Variants in PRKG1 observed in about 807,000 individuals in gnomAD.
The protein encoded by PRKG1 is protein kinase cGMP-dependent 1, also known as cGMP-dependent protein kinase 1.
PRKG1 carries 35 observed loss-of-function variants against 88.1 expected under a neutral mutation model. The observed-to-expected ratio is 0.40, with a 90% confidence interval of 0.30 to 0.53. The LOEUF is 0.53. Among genes scored for constraint, PRKG1 ranks in the 20% least tolerant of loss-of-function variants. The pLI is 0.59. For synonymous variants in PRKG1, 303 were observed against 292.5 expected, an observed-to-expected ratio of 1.04 and a Z score of -0.37; for missense variants, 540 against 839.8, an observed-to-expected ratio of 0.64 and a Z score of 4.41.
intron 3 of PRKG1, among the ~76,000 whole-genome samples, chr10:51,762,531 TA>T (rs1838046145): frequency 6.6e-6 from 1 of 152,218 alleles, no homozygotes; most frequent in Non-Finnish European, 1.5e-5. Flanking sequence ...ATATGATGGA[TA>T]AAATGCAAAA....
At chr10:52,259,585 A>C (rs980559275) in intron 10 of PRKG1, among the ~76,000 whole-genome samples, 1 of 152,074 alleles carries the variant, frequency 6.6e-6, no homozygotes, top group African/African-American at 2.4e-5. Flanking sequence ...GACATATACA[A>C]CATATTAGCT....
chr10:51,668,381 C>T (rs1435235013), intron 3 of PRKG1, among the ~76,000 whole-genome samples: 3 of 152,152 alleles, frequency 2.0e-5, no homozygotes, highest in African/African-American at 7.2e-5. Flanking sequence ...ATAAGCAAAA[C>T]TCAGATTTCA....
At chr10:52,274,475 T>C (rs1055714396) in intron 12 of PRKG1, among the ~76,000 whole-genome samples, 1 of 151,672 alleles carries the variant, frequency 6.6e-6, no homozygotes, top group African/African-American at 2.4e-5. Context: ...TATGGCTGTG[T>C]AGTATTCCAT....
At chr10:51,996,756 C>T (rs1844453716) in intron 5 of PRKG1, among the ~76,000 whole-genome samples, 1 of 152,036 alleles carries the variant, frequency 6.6e-6, no homozygotes, top group Admixed American at 6.5e-5. Flanking sequence ...ATGGAACCCC[C>T]ATATAATATA....
At chr10:51,865,722 G>A (rs1285970080) in intron 4 of PRKG1, among the ~76,000 whole-genome samples, 1 of 152,004 alleles carries the variant, frequency 6.6e-6, no homozygotes, top group East Asian at 1.9e-4. Flanking sequence ...TCAGGTCAGA[G>A]TACTCAGGAA....
intron 2 of PRKG1, among the ~76,000 whole-genome samples, chr10:51,267,121 C>T (rs945303038): frequency 1.3e-5 from 2 of 152,116 alleles, no homozygotes; most frequent in African/African-American, 4.8e-5. Context: ...ATTTTCACCC[C>T]TGTTTCTTAG....
intron 5 of PRKG1, among the ~76,000 whole-genome samples, chr10:51,946,880 G>A (rs979138481): frequency 6.6e-6 from 1 of 152,032 alleles, no homozygotes; most frequent in Non-Finnish European, 1.5e-5. Context: ...ACTGGGGGGT[G>A]CCTCCCAGTT....
At chr10:52,164,792 A>G (rs1272693992) in intron 9 of PRKG1, among the ~76,000 whole-genome samples, 1 of 152,152 alleles carries the variant, frequency 6.6e-6, no homozygotes, top group Admixed American at 6.5e-5. Flanking sequence ...AATTGTATAC[A>G]GTTAAAGTGT....
intron 5 of PRKG1, chr10:51,910,717 A>AT (rs1842197202): frequency 6.6e-6 from 1 of 152,094 alleles, no homozygotes; most frequent in Admixed American, 6.6e-5. Flanking sequence ...CAGGATTGTT[A>AT]TTTTGCCAAG....
chr10:51,927,516 CA>C (rs1842604744), intron 5 of PRKG1, among the ~76,000 whole-genome samples: 1 of 152,112 alleles, frequency 6.6e-6, no homozygotes, highest in Admixed American at 6.6e-5. Context: ...TAAATAGTAA[CA>C]GTAATATTGC....
chr10:51,594,925 G>GA (rs1204148983), intron 3 of PRKG1, among the ~76,000 whole-genome samples: 1 of 151,862 alleles, frequency 6.6e-6, no homozygotes, highest in Non-Finnish European at 1.5e-5. Context: ...ATTTGGATTA[G>GA]AAAAAAAATA....
At chr10:51,166,535 G>A (rs1457722731) in intron 2 of PRKG1, among the ~76,000 whole-genome samples, 1 of 152,022 alleles carries the variant, frequency 6.6e-6, no homozygotes, top group Non-Finnish European at 1.5e-5. Context: ...AAACCACAAT[G>A]GTTTTTCAGC....
intron 2 of PRKG1, among the ~76,000 whole-genome samples, chr10:51,407,238 C>T (rs1342174818): frequency 6.6e-6 from 1 of 152,116 alleles, no homozygotes; most frequent in Non-Finnish European, 1.5e-5. Flanking sequence ...ACAAGTCCAC[C>T]CCTTGTCAAT....
intron 2 of PRKG1, among the ~76,000 whole-genome samples, chr10:51,232,456 G>C (rs1564648230): frequency 6.6e-6 from 1 of 152,124 alleles, no homozygotes; most frequent in Non-Finnish European, 1.5e-5. Flanking sequence ...TGGGACGCTT[G>C]ATGGTGATGG....
At chr10:51,879,553 T>C (rs559656648) in intron 4 of PRKG1, among the ~76,000 whole-genome samples, 71 of 152,310 alleles carry the variant, frequency 4.7e-4, no homozygotes, top group Non-Finnish European at 8.4e-4. Context: ...GAGGTTTTCT[T>C]TTTTACTCAA....
intron 2 of PRKG1, among the ~76,000 whole-genome samples, chr10:51,359,021 T>TG (rs1842424894): frequency 6.6e-6 from 1 of 151,562 alleles, no homozygotes; most frequent in Non-Finnish European, 1.5e-5. Flanking sequence ...TCTGTTGAAA[T>TG]GACTATAAAT....
chr10:52,213,518 G>GC (rs1564518406), intron 9 of PRKG1, among the ~76,000 whole-genome samples: 2 of 152,196 alleles, frequency 1.3e-5, no homozygotes, highest in African/African-American at 4.8e-5. Context: ...TGAAATCCTA[G>GC]CTGGAACCAG....
At chr10:51,281,594 G>A (rs1840299021) in intron 2 of PRKG1, among the ~76,000 whole-genome samples, 1 of 152,168 alleles carries the variant, frequency 6.6e-6, no homozygotes, top group South Asian at 2.1e-4. Context: ...GCTCAAGGAG[G>A]CCTGCCTTCC....
chr10:51,646,632 C>G (rs1341455422), intron 3 of PRKG1, among the ~76,000 whole-genome samples: 1 of 152,022 alleles, frequency 6.6e-6, no homozygotes, highest in Non-Finnish European at 1.5e-5. Context: ...GAGAGCAAAT[C>G]TCTTAAAGAA....
Sources: allele counts gnomAD v4.1 joint callset (sites outside exome capture counted in the v4.1 genomes callset), GRCh38; gene constraint gnomAD v4.1.1; transcripts MANE v1.5; gene names NCBI Gene and HGNC (gene_info 2026-07-23, HGNC 2026-07-21).